Variants in TNFSF11 observed in about 807,000 individuals in gnomAD.
The protein encoded by TNFSF11 is tumor necrosis factor ligand superfamily member 11.
A neutral mutation model predicts 32.2 loss-of-function variants in TNFSF11; 12 were observed. That is an observed-to-expected ratio of 0.37 (90% CI 0.24 to 0.60). The LOEUF is 0.60. Among genes scored for constraint, TNFSF11 ranks in the 20% least tolerant of loss-of-function variants. The pLI, the probability that TNFSF11 is intolerant of heterozygous loss-of-function variation, is 0.66. For missense variants in TNFSF11, 345 were observed against 398.0 expected (o/e 0.87, Z 1.13); for synonymous variants, 172 against 152.1 (o/e 1.13, Z -0.96).
chr13:42,579,704 CTTTTTTTTTTTTT>C (rs59375842), intron 1 of TNFSF11, among the ~76,000 whole-genome samples: 1 of 65,492 alleles, frequency 1.5e-5, no homozygotes, highest in Admixed American at 2.3e-4. Context: ...TAAGTAAGCC[CTTTTTTTTTTTTT>C]TTTTTTTTTT....
At position 42,606,891 on chromosome 13, in the gene TNFSF11, G is replaced by A. The variant is rs759630504; in HGVS notation, c.927G>A (p.Gly309=). The A allele has an allele frequency of 1.2e-6, 2 of 1,614,130 alleles. No homozygotes were observed. The highest frequency in any genetic ancestry group is 1.7e-6 in the Non-Finnish European group (2 of 1,180,018). The part of the protein sequence containing the change: ...LDPDQDATYF[G]AFKVRDID Reference sequence around the variant, plus strand: ...CGGATCAGGATGCAACATACTTTGGGGCTTTTAAAGTTCGAGATATAGATT... The same window carrying A: ...CGGATCAGGATGCAACATACTTTGGAGCTTTTAAAGTTCGAGATATAGATT... The change falls in exon 5 of 5, where the codon GGG becomes GGA. Residue 309 remains glycine, a synonymous_variant. Transcript: ENST00000398795.
chr13:42,590,387 G>C (rs773226049), intron 2 of TNFSF11, among the ~76,000 whole-genome samples: 1 of 152,172 alleles, frequency 6.6e-6, no homozygotes, highest in Admixed American at 6.5e-5. Flanking sequence ...GCGTGAACAC[G>C]TTAGGGACCT....
chr13:42,568,114 T>C (rs1023479976), intron 2 of TNFSF11, among the ~76,000 whole-genome samples: 4 of 152,234 alleles, frequency 2.6e-5, no homozygotes, highest in African/African-American at 9.6e-5. Context: ...CTTCACCTAA[T>C]TGTGTACATT....
intron 2 of TNFSF11, among the ~76,000 whole-genome samples, chr13:42,584,829 G>T (rs1338501934): frequency 6.6e-6 from 1 of 152,144 alleles, no homozygotes; most frequent in African/African-American, 2.4e-5. Context: ...TTTGTTATAG[G>T]ATCTTAGCCT....
intron 2 of TNFSF11, among the ~76,000 whole-genome samples, chr13:42,599,356 CTATCT>C (rs1566387370): frequency 1.4e-5 from 2 of 147,968 alleles, no homozygotes; most frequent in Non-Finnish European, 3.0e-5. Context: ...TATCATCTAT[CTATCT>C]ATCTATCTAT....
Position 42,577,424 on chromosome 13 carries a change from C to T in TNFSF11, c.219+2902C>T, listed in dbSNP as rs188078073. 2.4e-3 allele frequency among the ~76,000 whole-genome samples: 365 copies of T among 152,084 alleles called. 3 individuals are homozygous for T. Among genetic ancestry groups the T allele is most frequent in the African/African-American group, 8.4e-3 (349 of 41,482 alleles). The stretch of plus-strand genomic sequence containing the variant: ...CGGTGTAGCTTGGCTTTTCCCCCAC[C>T]ACCCTGCCAAAGAGAAAATAGTGTG... On this transcript the variant is annotated intron_variant, in intron 1 of 4. Coordinates refer to ENST00000398795, the MANE Select transcript of TNFSF11 (RefSeq NM_003701.4).
In TNFSF11 at chr13:42,574,169, C is replaced by T; in HGVS notation, c.-135C>T. 1.6e-6 allele frequency: 2 copies of T among 1,252,930 alleles called. No homozygotes were observed. Among genetic ancestry groups the T allele is most frequent in the Non-Finnish European group, 2.2e-6 (2 of 891,776 alleles). The allele number at this position is 1,252,930 out of a possible 1,614,324, so 77.6% of individuals were successfully genotyped here. A position where few individuals can be genotyped will look rare whatever the true frequency, so the allele number is the denominator to read the frequency against. ...GGCGCCCTGCCCGCTCGCCCGCGCG[C>T]CCCAGGACCCAAAGCCGGGCTCCAA... On this transcript the variant is annotated 5_prime_UTR_variant, in exon 1 of 5. Coordinates refer to ENST00000398795, the MANE Select transcript of TNFSF11 (RefSeq NM_003701.4).
rs373980979 is a variant in TNFSF11, at chr13:42,606,849, C to T, written c.885C>T (p.Asn295=). ...SGEEISIEVS[N]PSLLDPDQDA... is the part of the protein sequence containing the mutation. ...AGGAAATCAGCATCGAGGTCTCCAACCCCTCCTTACTGGATCCGGATCAGG... is the reference window on the plus strand; with the variant it reads ...AGGAAATCAGCATCGAGGTCTCCAATCCCTCCTTACTGGATCCGGATCAGG... The change falls in exon 5 of 5, where the codon AAC becomes AAT. Residue 295 remains asparagine, a synonymous_variant. Transcript: ENST00000398795. The T allele has an allele frequency of 6.2e-7, 1 of 1,614,062 alleles. No individual in the cohort carries two copies. The highest frequency in any genetic ancestry group is 2.2e-5 in the East Asian group (1 of 44,886).
chr13:42,574,619 G>C, intron 1 of TNFSF11, 97 bp downstream of exon 1: 1 of 1,400,564 alleles, frequency 7.1e-7, no homozygotes, highest in Non-Finnish European at 9.8e-7. Context: ...GGGCCACCCA[G>C]AGCTTGCATA....
intron 2 of TNFSF11, among the ~76,000 whole-genome samples, chr13:42,585,212 A>AT (rs1458875629): frequency 1.3e-5 from 2 of 152,258 alleles, no homozygotes; most frequent in Non-Finnish European, 2.9e-5. Flanking sequence ...TAAAAATAGG[A>AT]TGGATGCATT....
upstream of TNFSF11, among the ~76,000 whole-genome samples, chr13:42,571,285 G>T (rs1873058035): frequency 6.6e-6 from 1 of 152,234 alleles, no homozygotes; most frequent in African/African-American, 2.4e-5. Context: ...GAGCGCTCCA[G>T]TTAGGTAGTA....
chr13:42,587,016 C>A (rs182703353), intron 2 of TNFSF11, among the ~76,000 whole-genome samples: 30 of 152,282 alleles, frequency 2.0e-4, no homozygotes, highest in African/African-American at 6.5e-4. Context: ...AGCTGGGTAA[C>A]AAACAGACCC....
intron 2 of TNFSF11, among the ~76,000 whole-genome samples, chr13:42,592,302 A>G (rs1868528261): frequency 6.6e-6 from 1 of 152,202 alleles, no homozygotes; most frequent in Admixed American, 6.5e-5. Flanking sequence ...CCAACCAGCT[A>G]CAAATCGGGG....
At chr13:42,569,591 A>G (rs1039873961), upstream of TNFSF11, among the ~76,000 whole-genome samples, 3 of 151,286 alleles carry the variant, frequency 2.0e-5, no homozygotes, top group African/African-American at 7.3e-5. Context: ...AGAGAAAGAG[A>G]GAGAGAGATT....
At chr13:42,599,654 G>A (rs1356293286) in intron 2 of TNFSF11, among the ~76,000 whole-genome samples, 4 of 151,790 alleles carry the variant, frequency 2.6e-5, no homozygotes, top group Non-Finnish European at 5.9e-5. Flanking sequence ...AACCTCCCCC[G>A]CAACCTCCCG....
chr13:42,600,802 G>A lies in TNFSF11; in HGVS notation c.433+5G>A, dbSNP rs767433351. 6.8e-6 allele frequency: 11 copies of A among 1,613,956 alleles called. No homozygotes were observed. The African/African-American group carries it at 8.0e-5, about 12-fold the overall frequency. On this transcript the variant is annotated splice_donor_5th_base_variant and intron_variant, in intron 3 of 4. Transcript: ENST00000398795. ...AGCACATCAGAGCAGAGAAAGGTAAGCATGGATCCATACATCTGTATGAAA... is the reference window on the plus strand; with the variant it reads ...AGCACATCAGAGCAGAGAAAGGTAAACATGGATCCATACATCTGTATGAAA...
At chr13:42,568,028 A>G (rs1265834016) in intron 2 of TNFSF11, among the ~76,000 whole-genome samples, 1 of 152,230 alleles carries the variant, frequency 6.6e-6, no homozygotes, top group Admixed American at 6.5e-5. Context: ...CTTTCTCCTG[A>G]TAAGAGACCA....
chr13:42,566,685 A>G (rs1433921568), exon 2 of TNFSF11: 1 of 152,356 alleles, frequency 6.6e-6, no homozygotes, highest in Non-Finnish European at 1.5e-5. Context: ...AAATGAAGGA[A>G]CATATTCAGG....
intron 1 of TNFSF11, among the ~76,000 whole-genome samples, chr13:42,580,323 C>T (rs1873540030): frequency 1.3e-5 from 2 of 152,222 alleles, no homozygotes; most frequent in African/African-American, 2.4e-5. Context: ...CTATTCTTAA[C>T]AGGCAATCAG....
Sources: gnomAD v4.1 joint callset for allele counts (sites outside exome capture counted in the v4.1 genomes callset) on GRCh38, gnomAD v4.1.1 for gene constraint, MANE v1.5 for transcripts, NCBI Gene and HGNC (gene_info 2026-07-23, HGNC 2026-07-21) for gene names.